METTL15: variants seen among roughly 807,000 people sequenced by gnomAD.
METTL15 encodes methyltransferase 15, mitochondrial 12S rRNA N4-cytidine.
Under a neutral mutation model 38.3 loss-of-function variants are expected in METTL15, and 34 were observed. The observed-to-expected ratio is 0.89, with a 90% CI of 0.68 to 1.18. METTL15 has a LOEUF of 1.18. Among genes scored for constraint, METTL15 ranks in the 50% most tolerant of loss-of-function variants. The pLI, the probability that METTL15 is intolerant of heterozygous loss-of-function variation, is 0.00. For missense variants in METTL15, 438 were observed against 498.4 expected, an observed-to-expected ratio of 0.88 and a Z score of 1.15; for synonymous variants, 162 against 170.9, an observed-to-expected ratio of 0.95 and a Z score of 0.41.
At chr11:28,400,364 AC>A (rs1351764996) in intron 5 of METTL15, among the ~76,000 whole-genome samples, 4 of 151,940 alleles carry the variant, frequency 2.6e-5, no homozygotes, top group African/African-American at 9.7e-5. Flanking sequence ...AAAGTTATTA[AC>A]ATGGAGGGGA....
chr11:28,189,633 G>A (rs932243883), intron 3 of METTL15, among the ~76,000 whole-genome samples: 1 of 151,080 alleles, frequency 6.6e-6, no homozygotes, highest in Non-Finnish European at 1.5e-5. Context: ...TTGACTATGC[G>A]AGTACTTTAT....
chr11:28,323,458 G>A (rs1374561815), intron 6 of METTL15, among the ~76,000 whole-genome samples: 2 of 152,148 alleles, frequency 1.3e-5, no homozygotes, highest in African/African-American at 4.8e-5. Context: ...CATAGTTAGA[G>A]ACTGCCTTTT....
At chr11:28,168,750 G>T (rs1850748054) in intron 3 of METTL15, among the ~76,000 whole-genome samples, 1 of 151,736 alleles carries the variant, frequency 6.6e-6, no homozygotes, top group Admixed American at 6.6e-5. Flanking sequence ...GAACATATTT[G>T]TGGAATGTTA....
intron 4 of METTL15, among the ~76,000 whole-genome samples, chr11:28,360,073 AAG>A (rs1281842815): frequency 2.0e-5 from 3 of 152,174 alleles, no homozygotes; most frequent in Non-Finnish European, 2.9e-5. Context: ...AAGGGGCCTT[AAG>A]AGAGTGTTTT....
At chr11:28,399,515 G>A (rs1435358281) in intron 5 of METTL15, among the ~76,000 whole-genome samples, 5 of 151,828 alleles carry the variant, frequency 3.3e-5, no homozygotes, top group African/African-American at 1.2e-4. Flanking sequence ...TAATTTTCAA[G>A]AGGATTTTTA....
chr11:28,320,660 T>C (rs776160359), intron 6 of METTL15, among the ~76,000 whole-genome samples: 24 of 152,228 alleles, frequency 1.6e-4, no homozygotes, highest in Non-Finnish European at 3.1e-4. Context: ...ATTCTTAAAA[T>C]GCCCAAATAC....
At chr11:28,352,998 T>G (rs752701407) in intron 4 of METTL15, among the ~76,000 whole-genome samples, 1 of 152,084 alleles carries the variant, frequency 6.6e-6, no homozygotes, top group South Asian at 2.1e-4. Context: ...CAGGCATCAG[T>G]AGGGAAACAG....
intron 4 of METTL15, among the ~76,000 whole-genome samples, chr11:28,239,006 G>T (rs1472912800): frequency 6.6e-6 from 1 of 151,280 alleles, no homozygotes; most frequent in Non-Finnish European, 1.5e-5. Context: ...CTCTTCATGT[G>T]TGCCTTCTTT....
intron 6 of METTL15, among the ~76,000 whole-genome samples, chr11:28,485,064 A>C (rs1851427155): frequency 6.6e-6 from 1 of 151,814 alleles, no homozygotes; most frequent in African/African-American, 2.4e-5. Flanking sequence ...GTTCCTGGTA[A>C]TGAAGTTTTT....
In METTL15 at chr11:28,438,335, A is replaced by G. The variant is rs1304672411; in HGVS notation, c.*424+13971A>G. On this transcript the variant is annotated intron_variant and NMD_transcript_variant, in intron 6 of 7. Coordinates refer to the METTL15 transcript ENST00000532947. ...TGGGCTGTTAGAGTCTTTTCAGGCC[A>G]CGTAGGACTGGGCTTGTCCTTGTAG... 5.9e-5 allele frequency among the ~76,000 whole-genome samples: 9 copies of G among 152,352 alleles called. No homozygotes were observed. The East Asian group carries it at 1.7e-3, about 29-fold the overall frequency.
At chr11:28,259,799 G>C (rs117684339) in intron 4 of METTL15, among the ~76,000 whole-genome samples, 2,301 of 152,270 alleles carry the variant, frequency 0.015, 26 homozygotes, top group Middle Eastern at 0.024. Context: ...ACCAGGTACT[G>C]TGAGTACTCA....
chr11:28,238,429 C>G (rs958491139), intron 4 of METTL15, among the ~76,000 whole-genome samples: 4 of 152,206 alleles, frequency 2.6e-5, no homozygotes, highest in Non-Finnish European at 5.9e-5. Context: ...GTTATAATCT[C>G]CTGGTGCGCC....
chr11:28,290,838 A>T (rs1856483254), intron 5 of METTL15, among the ~76,000 whole-genome samples: 1 of 151,740 alleles, frequency 6.6e-6, no homozygotes, highest in African/African-American at 2.4e-5. Context: ...AGAAGTCAGT[A>T]AGTGTGTTTT....
At chr11:28,407,167 C>A (rs1359880924) in intron 5 of METTL15, among the ~76,000 whole-genome samples, 1 of 152,000 alleles carries the variant, frequency 6.6e-6, no homozygotes, top group Non-Finnish European at 1.5e-5. Context: ...AAAAATAACT[C>A]AAGATGGATT....
At chr11:28,294,348 C>A (rs1365514275) in intron 5 of METTL15, among the ~76,000 whole-genome samples, 1 of 152,092 alleles carries the variant, frequency 6.6e-6, no homozygotes, top group African/African-American at 2.4e-5. Flanking sequence ...TAATCCAGGC[C>A]AAAAAATGTG....
At chr11:28,334,204 T>C (rs538593514), downstream of METTL15, among the ~76,000 whole-genome samples, 3 of 152,200 alleles carry the variant, frequency 2.0e-5, no homozygotes, top group South Asian at 6.2e-4. Context: ...CCTTCTTCTC[T>C]GTTCACATTG....
chr11:28,449,413 A>C (rs1851101084), intron 6 of METTL15, among the ~76,000 whole-genome samples: 2 of 152,180 alleles, frequency 1.3e-5, no homozygotes, highest in South Asian at 4.1e-4. Context: ...GCTTCATTTA[A>C]TTTTAATCTA....
chr11:28,511,903 A>G (rs1231429699), intron 6 of METTL15, among the ~76,000 whole-genome samples: 1 of 152,110 alleles, frequency 6.6e-6, no homozygotes, highest in African/African-American at 2.4e-5. Flanking sequence ...TGATTGGTCC[A>G]TTTTACAGAG....
At chr11:28,415,915 TCTTA>T (rs1488407155) in intron 5 of METTL15, among the ~76,000 whole-genome samples, 1 of 152,178 alleles carries the variant, frequency 6.6e-6, no homozygotes, top group Non-Finnish European at 1.5e-5. Flanking sequence ...AACTAAGCAG[TCTTA>T]CTTGTAAAAT....
Sources: gnomAD v4.1 joint callset for allele counts (sites outside exome capture counted in the v4.1 genomes callset) on GRCh38, gnomAD v4.1.1 for gene constraint, MANE v1.5 for transcripts, NCBI Gene and HGNC (gene_info 2026-07-23, HGNC 2026-07-21) for gene names.